The following BEAN1 variants were observed in gnomAD, a reference collection of about 807,000 sequenced individuals.
BEAN1 encodes brain expressed associated with NEDD4 1.
BEAN1 carries 17 observed loss-of-function variants against 17.7 expected under a neutral mutation model. The observed-to-expected ratio is 0.96, with a 90% CI of 0.66 to 1.44. The LOEUF (loss-of-function observed/expected upper bound fraction) is 1.44. Among genes scored for constraint, BEAN1 ranks in the 40% most tolerant of loss-of-function variants. The pLI is 0.00. For synonymous variants in BEAN1, 142 were observed against 151.8 expected, an observed-to-expected ratio of 0.94 and a Z score of 0.47; for missense variants, 359 against 374.1, an observed-to-expected ratio of 0.96 and a Z score of 0.33.
chr16:66,470,733 C>T (rs1597030477), intron 3 of BEAN1, among the ~76,000 whole-genome samples: 1 of 152,286 alleles, frequency 6.6e-6, no homozygotes, highest in African/African-American at 2.4e-5. Flanking sequence ...GGCTAGAATG[C>T]CTGAACTTTT....
In BEAN1 at chr16:66,438,633, C is replaced by T. The variant is rs1962126959; in HGVS notation, c.25+932C>T. ...AGTCTTCTCATGGCTCCCTGAGGCCCCTGAGTCCAAGTGATGGAATCAGCC... is the reference window on the plus strand; with the variant it reads ...AGTCTTCTCATGGCTCCCTGAGGCCTCTGAGTCCAAGTGATGGAATCAGCC... On this transcript the variant is annotated intron_variant, in intron 2 of 4. Transcript: ENST00000536005. 2.0e-5 allele frequency among the ~76,000 whole-genome samples: 3 copies of T among 152,228 alleles called. No individual in the cohort carries two copies. The South Asian group carries it at 6.2e-4, about 32-fold the overall frequency.
At chr16:66,476,412 A>C (rs1963749046) in intron 3 of BEAN1, 1 of 152,210 alleles carries the variant, frequency 6.6e-6, no homozygotes, top group South Asian at 2.1e-4. Context: ...TGTGACCCTG[A>C]GTATCAGCTT....
chr16:66,449,071 C>T (rs769886811), intron 2 of BEAN1, among the ~76,000 whole-genome samples: 51 of 152,142 alleles, frequency 3.4e-4, no homozygotes, highest in Non-Finnish European at 6.0e-4. Flanking sequence ...TGTGTCCTCC[C>T]AGTCACTATC....
intron 2 of BEAN1, among the ~76,000 whole-genome samples, chr16:66,460,061 A>G (rs953237215): frequency 6.6e-6 from 1 of 152,210 alleles, no homozygotes; most frequent in Admixed American, 6.5e-5. Flanking sequence ...GTCCAATTCA[A>G]ATGGCTCCTG....
At chr16:66,443,074 A>T (rs796942687) in intron 2 of BEAN1, among the ~76,000 whole-genome samples, 1 of 152,126 alleles carries the variant, frequency 6.6e-6, no homozygotes, top group Non-Finnish European at 1.5e-5. Context: ...CAATTGTAGC[A>T]CTCTTTCCCA....
chr16:66,492,935 C>T, intron 4 of BEAN1: 1 of 693,412 alleles, frequency 1.4e-6, no homozygotes, highest in Non-Finnish European at 2.6e-6. Context: ...CTGTCCCACT[C>T]CTAACAAGCT....
At chr16:66,468,168 C>T (rs1963327710) in intron 2 of BEAN1, among the ~76,000 whole-genome samples, 1 of 152,196 alleles carries the variant, frequency 6.6e-6, no homozygotes, top group Admixed American at 6.5e-5. Flanking sequence ...CGCAAGGCCT[C>T]CCTGCCATTT....
At chr16:66,474,621 G>A (rs868702956) in intron 3 of BEAN1, among the ~76,000 whole-genome samples, 1 of 31,858 alleles carries the variant, frequency 3.1e-5, no homozygotes, top group African/African-American at 1.2e-4. Flanking sequence ...AGGGAGGAAG[G>A]GAGGGAGGGA....
chr16:66,439,301 G>A (rs1300908002), intron 2 of BEAN1, among the ~76,000 whole-genome samples: 1 of 152,204 alleles, frequency 6.6e-6, no homozygotes, highest in Non-Finnish European at 1.5e-5. Context: ...GCTGTGGCAT[G>A]ATCAGGAAAG....
chr16:66,483,717 AAT>A (rs1964044529), downstream of BEAN1: 1 of 152,110 alleles, frequency 6.6e-6, no homozygotes, highest in African/African-American at 2.4e-5. Context: ...CCAAAATTCG[AAT>A]AGTCCATTAA....
At chr16:66,466,834 G>A (rs1235584802) in intron 2 of BEAN1, among the ~76,000 whole-genome samples, 1 of 152,170 alleles carries the variant, frequency 6.6e-6, no homozygotes, top group Non-Finnish European at 1.5e-5. Context: ...CTCCCAAAGT[G>A]CTGGCATTAC....
intron 4 of BEAN1, among the ~76,000 whole-genome samples, chr16:66,478,581 GAC>G (rs1555521469): frequency 6.6e-6 from 1 of 152,166 alleles, no homozygotes; most frequent in Non-Finnish European, 1.5e-5. Context: ...CAGCCTTAGC[GAC>G]AGAGTGAGAC....
intron 4 of BEAN1, chr16:66,479,091 T>A (rs1388725686): frequency 1.3e-5 from 2 of 152,238 alleles, no homozygotes; most frequent in Non-Finnish European, 2.9e-5. Flanking sequence ...CATTTCTTTG[T>A]TTATGAAATA....
chr16:66,467,512 GCCC>G (rs957205862), intron 2 of BEAN1, among the ~76,000 whole-genome samples: 3 of 152,126 alleles, frequency 2.0e-5, no homozygotes, highest in Non-Finnish European at 4.4e-5. Flanking sequence ...GGGAGAAACT[GCCC>G]CCAAGATTCA....
chr16:66,437,292 T>C (rs1962063935), intron 1 of BEAN1, among the ~76,000 whole-genome samples: 2 of 151,040 alleles, frequency 1.3e-5, no homozygotes, highest in South Asian at 4.2e-4. Flanking sequence ...TCTCACATTT[T>C]CATCATGAGA....
chr16:66,432,678 C>T (rs1263934990), intron 1 of BEAN1, among the ~76,000 whole-genome samples: 5 of 152,224 alleles, frequency 3.3e-5, no homozygotes, highest in Non-Finnish European at 4.4e-5. Context: ...CACCATCTGC[C>T]GGTCACCCAG....
At chr16:66,431,932 G>A (rs573822156) in intron 1 of BEAN1, among the ~76,000 whole-genome samples, 13 of 151,972 alleles carry the variant, frequency 8.6e-5, no homozygotes, top group African/African-American at 2.9e-4. Context: ...TCAGTCTCCC[G>A]AGTAGCTGGG....
At chr16:66,490,033 G>C (rs1044160422) in intron 4 of BEAN1, among the ~76,000 whole-genome samples, 4 of 151,646 alleles carry the variant, frequency 2.6e-5, no homozygotes, top group Admixed American at 1.3e-4. Context: ...CCTTCCTGGC[G>C]ACTGGAGAGG....
chr16:66,457,827 A>C (rs796345078), intron 2 of BEAN1, among the ~76,000 whole-genome samples: 7 of 151,222 alleles, frequency 4.6e-5, no homozygotes, highest in African/African-American at 1.7e-4. Flanking sequence ...GAAGTATCCA[A>C]ACCAATGAGC....
Sources: allele counts gnomAD v4.1 joint callset (sites outside exome capture counted in the v4.1 genomes callset), GRCh38; gene constraint gnomAD v4.1.1; transcripts MANE v1.5; gene names NCBI Gene and HGNC (gene_info 2026-07-23, HGNC 2026-07-21).